The following STXBP5 variants were observed in gnomAD, a reference collection of about 807,000 sequenced individuals.
The protein encoded by STXBP5 is syntaxin binding protein 5.
STXBP5 carries 50 observed loss-of-function variants against 152.4 expected under a neutral mutation model. That is an observed-to-expected ratio of 0.33 (90% confidence interval 0.26 to 0.42). STXBP5 has a LOEUF of 0.42. STXBP5 is among the 10% of genes least tolerant of loss of function. STXBP5 has a pLI of 1.00. For synonymous variants in STXBP5, 492 were observed against 494.7 expected, an observed-to-expected ratio of 0.99 and a Z score of 0.07; for missense variants, 1,167 against 1,388.6, an observed-to-expected ratio of 0.84 and a Z score of 2.54.
chr6:147,214,855 C>T (rs1321333466), intron 2 of STXBP5, among the ~76,000 whole-genome samples: 5 of 150,696 alleles, frequency 3.3e-5, no homozygotes, highest in African/African-American at 9.9e-5. Flanking sequence ...ATCAAGAGTC[C>T]GGAAATTAAG....
chr6:147,288,116 A>G (rs980552674), intron 8 of STXBP5, among the ~76,000 whole-genome samples: 3 of 151,884 alleles, frequency 2.0e-5, no homozygotes, highest in Admixed American at 6.6e-5. Context: ...CCTGAGTTCC[A>G]TTTGCCTCAA....
At chr6:147,300,964 A>G (rs1432072796) in intron 9 of STXBP5, among the ~76,000 whole-genome samples, 1 of 152,086 alleles carries the variant, frequency 6.6e-6, no homozygotes, top group Non-Finnish European at 1.5e-5. Context: ...CCAAAAAAAA[A>G]AAATCTGATA....
In STXBP5 at chr6:147,331,803, GT is replaced by G. The variant is rs143674795; in HGVS notation, c.2081-2352del. Among the ~76,000 whole-genome samples, 31 of 89,848 alleles carry G rather than the reference GT, an allele frequency of 3.5e-4. 1 individual carries two copies. Among genetic ancestry groups the G allele is most frequent in the East Asian group, 8.4e-4 (3 of 3,564 alleles). 58.9% of individuals were successfully genotyped at this position (89,848 alleles called of 152,430 possible). On this transcript the variant is annotated intron_variant, in intron 18 of 27. Coordinates refer to ENST00000321680, the MANE Select transcript of STXBP5 (RefSeq NM_001127715.4). ...TAAAGCATGCAGAGCTTTTCTACCA[GT>G]TAAAAAAAAAAAAAAAAAAAAAACA... is the stretch of plus-strand genomic sequence containing the variant.
chr6:147,241,918 CAT>C (rs1053945784), intron 4 of STXBP5, among the ~76,000 whole-genome samples: 1 of 151,976 alleles, frequency 6.6e-6, no homozygotes, highest in African/African-American at 2.4e-5. Context: ...CTGTTACTGT[CAT>C]ATATTTATTA....
At chr6:147,329,888 A>G (rs999632479) in intron 18 of STXBP5, among the ~76,000 whole-genome samples, 65 of 152,038 alleles carry the variant, frequency 4.3e-4, no homozygotes, top group African/African-American at 1.5e-3. Flanking sequence ...CGGCCTCCCA[A>G]AGTGCTGGGA....
chr6:147,383,564 G>T (rs1013380344), intron 27 of STXBP5, among the ~76,000 whole-genome samples: 23 of 151,994 alleles, frequency 1.5e-4, no homozygotes, highest in Non-Finnish European at 2.8e-4. Context: ...ACCACATCGT[G>T]CTCTTAAAAA....
intron 17 of STXBP5, among the ~76,000 whole-genome samples, chr6:147,326,914 A>C (rs769259907): frequency 1.2e-4 from 18 of 152,198 alleles, no homozygotes; most frequent in Non-Finnish European, 2.4e-4. Context: ...CAGTTGATTG[A>C]TTTAGTGATA....
chr6:147,335,979 T>C (rs1385920119), intron 19 of STXBP5, among the ~76,000 whole-genome samples: 1 of 152,206 alleles, frequency 6.6e-6, no homozygotes. Context: ...TATCTCAGCA[T>C]GTTTGAAATG....
Position 147,278,149 on chromosome 6 carries a change from G to A in STXBP5, c.783G>A (p.Leu261=), listed in dbSNP as rs768295551. 6.2e-7 allele frequency: 1 copy of A among 1,612,794 alleles called. No homozygotes were observed. Among genetic ancestry groups the A allele is most frequent in the Non-Finnish European group, 8.5e-7 (1 of 1,179,112 alleles). The change falls in exon 8 of 28, where the codon TTG becomes TTA. Residue 261 remains leucine, a synonymous_variant. Coordinates refer to ENST00000321680, the MANE Select transcript of STXBP5 (RefSeq NM_001127715.4). ...TTTGCAGTCATTCAGATGGCACCTTGACTATATGGAATGTAAGGTCCCCTG... is the reference window on the plus strand; with the variant it reads ...TTTGCAGTCATTCAGATGGCACCTTAACTATATGGAATGTAAGGTCCCCTG... ...QFICSHSDGT[L]TIWNVRSPAK... is the part of the protein sequence containing the mutation.
chr6:147,363,801 A>G, intron 24 of STXBP5, 97 bp downstream of exon 24: 4 of 1,479,656 alleles, frequency 2.7e-6, no homozygotes, highest in Non-Finnish European at 3.6e-6. Context: ...GTGTGTGTAT[A>G]GTCTTATACT....
intron 7 of STXBP5, among the ~76,000 whole-genome samples, chr6:147,270,206 A>G (rs371354478): frequency 5.2e-4 from 79 of 151,778 alleles, no homozygotes; most frequent in South Asian, 4.2e-3. Context: ...AGACCATCCT[A>G]GCTAACATGG....
rs565844743 is a variant in STXBP5, at chr6:147,305,007, AT to A, written c.918-5075del. On this transcript the variant is annotated intron_variant, in intron 9 of 27. Transcript: ENST00000321680. ...TTGAGATCCTCAATAGCATCCTCAC[AT>A]TCCCCCCACAAACCCAGTGATAGAG... Among the ~76,000 whole-genome samples the A allele has an allele frequency of 2.2e-3, 331 of 152,290 alleles. 2 individuals carry two copies. Among genetic ancestry groups the A allele is most frequent in the African/African-American group, 7.3e-3 (305 of 41,570 alleles).
intron 4 of STXBP5, among the ~76,000 whole-genome samples, chr6:147,259,454 C>T (rs1779540945): frequency 6.6e-6 from 1 of 152,056 alleles, no homozygotes. Flanking sequence ...ATAAAACACT[C>T]AACAGAAATT....
rs566025164 is a variant in STXBP5, at chr6:147,327,279, A to AAAAAG, written c.2080+18_2080+22dup. 70 of 1,594,590 alleles carry AAAAAG rather than the reference A, an allele frequency of 4.4e-5. No homozygotes were observed. The East Asian group carries it at 1.4e-3, about 32-fold the overall frequency. On this transcript the variant is annotated splice_donor_region_variant and intron_variant, in intron 18 of 27. Coordinates refer to ENST00000321680, the MANE Select transcript of STXBP5 (RefSeq NM_001127715.4). ...TAAATCTCGACAGCCTTCAGGAGGT[A>AAAAAG]AAAAGAAAAGAAAAGAAAATTCTGA...
At chr6:147,284,295 G>A (rs1389728156) in intron 8 of STXBP5, among the ~76,000 whole-genome samples, 1 of 152,106 alleles carries the variant, frequency 6.6e-6, no homozygotes, top group Non-Finnish European at 1.5e-5. Context: ...CTTAAAATAT[G>A]TTCCTCATCC....
intron 11 of STXBP5, among the ~76,000 whole-genome samples, chr6:147,313,523 T>G (rs974532358): frequency 6.6e-6 from 1 of 152,212 alleles, no homozygotes; most frequent in Admixed American, 6.5e-5. Context: ...ATGAGGTATG[T>G]GTTATTCCAC....
intron 11 of STXBP5, 72 bp from the exon 12 acceptor site, chr6:147,313,810 GTT>G (rs1782501645): frequency 2.0e-6 from 2 of 1,015,726 alleles, no homozygotes; most frequent in Admixed American, 5.6e-5. Flanking sequence ...GTTTTTTAAA[GTT>G]TTTATTTTTG....
At chr6:147,300,536 A>G (rs1368162380) in intron 9 of STXBP5, among the ~76,000 whole-genome samples, 1 of 152,102 alleles carries the variant, frequency 6.6e-6, no homozygotes, top group South Asian at 2.1e-4. Context: ...TTTCCAAGAA[A>G]GATACAAAGA....
chr6:147,285,998 C>T (rs1393569213), intron 8 of STXBP5, among the ~76,000 whole-genome samples: 1 of 152,142 alleles, frequency 6.6e-6, no homozygotes, highest in Non-Finnish European at 1.5e-5. Context: ...AGCCAGCTGA[C>T]CTTCTTCAGA....
Sources: allele counts gnomAD v4.1 joint callset (sites outside exome capture counted in the v4.1 genomes callset), GRCh38; gene constraint gnomAD v4.1.1; transcripts MANE v1.5; gene names NCBI Gene and HGNC (gene_info 2026-07-23, HGNC 2026-07-21).